Variants in OR6N1 observed in about 807,000 individuals in gnomAD.
OR6N1 encodes the protein olfactory receptor family 6 subfamily N member 1.
For missense variants in OR6N1, 394 were observed against 371.7 expected (o/e 1.06, Z -0.49); for synonymous variants, 170 against 150.7 (o/e 1.13, Z -0.94).
the OR6N1 span, among the ~76,000 whole-genome samples, chr1:158,807,003 CAAAA>C: frequency 2.7e-5 from 2 of 72,912 alleles, no homozygotes; most frequent in Admixed American, 3.4e-4. Context: ...GACGTCATCT[CAAAA>C]AAAAAAAAAA....
At chr1:158,837,655 A>G in the OR6N1 span, among the ~76,000 whole-genome samples, 1 of 151,760 alleles carries the variant, frequency 6.6e-6, no homozygotes, top group Admixed American at 6.6e-5. Context: ...ATTCATTGTG[A>G]TATATATGTA....
rs857823 is a variant in OR6N1 at position 158,765,491 on chromosome 1, G to C, written c.*253C>G. On this transcript the variant is annotated 3_prime_UTR_variant, in exon 2 of 2. Coordinates refer to ENST00000641846, the MANE Select transcript of OR6N1 (RefSeq NM_001005185.2). ...ACCTAAGTGTGATACATAAACATCT[G>C]AGTTTTGAAAATCACTGCACTACAT... 0.45 allele frequency: 167,626 copies of C among 370,508 alleles called. 39,820 individuals are homozygous for C. Among genetic ancestry groups the C allele is most frequent in the East Asian group, 0.61 (14,644 of 24,040 alleles). 23.0% of individuals were successfully genotyped at this position (370,508 alleles called of 1,614,324 possible).
At chr1:158,790,646 C>T in the OR6N1 span, among the ~76,000 whole-genome samples, 2 of 152,098 alleles carry the variant, frequency 1.3e-5, no homozygotes, top group Non-Finnish European at 2.9e-5. Flanking sequence ...CCTCGTGATC[C>T]ACCTGCCTGG....
chr1:158,802,849 CA>C, the OR6N1 span, among the ~76,000 whole-genome samples: 2 of 152,242 alleles, frequency 1.3e-5, no homozygotes, highest in Admixed American at 1.3e-4. Context: ...TCTACTTTTT[CA>C]TTATTACTTT....
chr1:158,805,347 C>T, the OR6N1 span, among the ~76,000 whole-genome samples: 3 of 152,168 alleles, frequency 2.0e-5, no homozygotes, highest in Non-Finnish European at 4.4e-5. Flanking sequence ...AAAGTTGGAC[C>T]TCACCTTGGG....
In OR6N1 at chr1:158,766,260, A is replaced by T. The variant is rs1368901450; in HGVS notation, c.423T>A (p.Cys141Ter). ...ACCAACAGCCAATGGCAATCTCTGCACAAAGTGTTGGGGTCATGAGGGTTG... is the reference window on the plus strand; with the variant it reads ...ACCAACAGCCAATGGCAATCTCTGCTCAAAGTGTTGGGGTCATGAGGGTTG... ...HYPTLMTPTL[C>*]AEIAIGCWLG... The change falls in exon 2 of 2, where the codon TGT becomes TGA. Residue 141 changes from cysteine to a stop codon, truncating the protein, a stop_gained. Coordinates refer to ENST00000641846, the MANE Select transcript of OR6N1 (RefSeq NM_001005185.2). LOFTEE classifies it low-confidence loss of function (END_TRUNC). 1 of 1,614,126 alleles carries T rather than the reference A, an allele frequency of 6.2e-7. No individual in the cohort carries two copies. The highest frequency in any genetic ancestry group is 2.2e-5 in the East Asian group (1 of 44,874).
the OR6N1 span, among the ~76,000 whole-genome samples, chr1:158,784,556 G>A: frequency 1.3e-5 from 2 of 151,886 alleles, no homozygotes; most frequent in South Asian, 4.2e-4. Context: ...CCCTTTAATC[G>A]ACTTCCCATC....
At chr1:158,794,119 CA>C in the OR6N1 span, among the ~76,000 whole-genome samples, 1 of 152,220 alleles carries the variant, frequency 6.6e-6, no homozygotes, top group Non-Finnish European at 1.5e-5. Context: ...TGTGTCACAT[CA>C]AAGTATTTCA....
chr1:158,815,404 C>G, the OR6N1 span, among the ~76,000 whole-genome samples: 1 of 152,152 alleles, frequency 6.6e-6, no homozygotes, highest in Non-Finnish European at 1.5e-5. Context: ...CCACAACCAC[C>G]TCTTAATAAA....
At chr1:158,770,914 C>A (rs901701363) in intron 1 of OR6N1, among the ~76,000 whole-genome samples, 7 of 152,160 alleles carry the variant, frequency 4.6e-5, no homozygotes, top group African/African-American at 1.7e-4. Context: ...TTCCAATGAC[C>A]AGAAACCTGG....
chr1:158,786,564 T>C, the OR6N1 span, among the ~76,000 whole-genome samples: 1 of 152,182 alleles, frequency 6.6e-6, no homozygotes, highest in Non-Finnish European at 1.5e-5. Context: ...AGCAGCACGA[T>C]TTGCAATTGC....
chr1:158,784,331 G>A, the OR6N1 span, among the ~76,000 whole-genome samples: 10 of 152,082 alleles, frequency 6.6e-5, no homozygotes, highest in African/African-American at 9.7e-5. Flanking sequence ...GGTAGAGTGC[G>A]ATGTCTTGAT....
At chr1:158,837,383 C>T in the OR6N1 span, among the ~76,000 whole-genome samples, 4 of 151,568 alleles carry the variant, frequency 2.6e-5, no homozygotes, top group Admixed American at 2.6e-4. Flanking sequence ...ATTAGGAGCC[C>T]TGATGTTTTG....
the OR6N1 span, among the ~76,000 whole-genome samples, chr1:158,788,240 A>G: frequency 6.6e-6 from 1 of 152,214 alleles, no homozygotes; most frequent in Non-Finnish European, 1.5e-5. Context: ...AAATTTAAGA[A>G]AAGTTCTTAA....
chr1:158,788,814 T>C, the OR6N1 span, among the ~76,000 whole-genome samples: 1 of 152,178 alleles, frequency 6.6e-6, no homozygotes, highest in Non-Finnish European at 1.5e-5. Context: ...TTTTCATTAT[T>C]AGCACAATCA....
intron 1 of OR6N1, among the ~76,000 whole-genome samples, chr1:158,770,651 G>GAAAAA (rs753434034): frequency 6.7e-6 from 1 of 148,444 alleles, no homozygotes. Flanking sequence ...CTCATAAAAA[G>GAAAAA]AAAAAACCTT....
the OR6N1 span, among the ~76,000 whole-genome samples, chr1:158,784,848 A>C: frequency 1.3e-5 from 2 of 152,204 alleles, no homozygotes; most frequent in Non-Finnish European, 2.9e-5. Flanking sequence ...TGTTAAAAAT[A>C]AAACCACCAT....
chr1:158,769,828 G>C (rs1329546074), intron 1 of OR6N1, among the ~76,000 whole-genome samples: 1 of 152,180 alleles, frequency 6.6e-6, no homozygotes, highest in African/African-American at 2.4e-5. Context: ...TTTTGCTTCA[G>C]AATAATTACT....
the OR6N1 span, among the ~76,000 whole-genome samples, chr1:158,819,516 G>T: frequency 5.9e-5 from 9 of 151,956 alleles, no homozygotes; most frequent in South Asian, 2.1e-4. Flanking sequence ...TTGATACCAG[G>T]GTAAAAGCAT....
Sources: gnomAD v4.1 joint callset for allele counts (sites outside exome capture counted in the v4.1 genomes callset) on GRCh38, gnomAD v4.1.1 for gene constraint, MANE v1.5 for transcripts, NCBI Gene and HGNC (gene_info 2026-07-23, HGNC 2026-07-21) for gene names.